ADGRF5: variants seen among roughly 807,000 people sequenced by gnomAD.
ADGRF5 encodes the protein G-protein coupled receptor 116.
Under a neutral mutation model 132.3 loss-of-function variants are expected in ADGRF5, and 75 were observed. That is an observed-to-expected ratio of 0.57 (90% CI 0.47 to 0.69). The LOEUF (loss-of-function observed/expected upper bound fraction) is 0.69. ADGRF5 is among the 30% of genes least tolerant of loss of function. ADGRF5 has a pLI of 0.00. For synonymous variants in ADGRF5, 629 were observed against 597.6 expected (o/e 1.05, Z -0.77); for missense variants, 1,516 against 1,630.6 (o/e 0.93, Z 1.21).
intron 8 of ADGRF5, among the ~76,000 whole-genome samples, chr6:46,880,522 C>T (rs12214314): frequency 0.035 from 5,321 of 152,248 alleles, 141 homozygotes; most frequent in Non-Finnish European, 0.047. Context: ...ATAAAGTCTG[C>T]TTGAGAAATA....
At chr6:46,884,936 C>T (rs1054327605) in intron 4 of ADGRF5, among the ~76,000 whole-genome samples, 2 of 152,156 alleles carry the variant, frequency 1.3e-5, no homozygotes, top group Admixed American at 6.5e-5. Flanking sequence ...GGCACAGTGG[C>T]TCACTCCTAT....
intron 1 of ADGRF5, among the ~76,000 whole-genome samples, chr6:46,917,101 A>C (rs1243651733): frequency 6.6e-6 from 1 of 152,246 alleles, no homozygotes; most frequent in Non-Finnish European, 1.5e-5. Context: ...TAGGTTAAGC[A>C]CTATACATGC....
At chr6:46,859,937 G>T (rs565256674) in intron 16 of ADGRF5, among the ~76,000 whole-genome samples, 81 of 151,980 alleles carry the variant, frequency 5.3e-4, no homozygotes, top group East Asian at 1.7e-3. Context: ...TGATCCATCC[G>T]CCTCGGCCTC....
At chr6:46,921,328 TG>T (rs1776921322) in intron 1 of ADGRF5, among the ~76,000 whole-genome samples, 1 of 152,202 alleles carries the variant, frequency 6.6e-6, no homozygotes, top group African/African-American at 2.4e-5. Flanking sequence ...AATGGCCGAC[TG>T]GCCCTGAAAT....
intron 10 of ADGRF5, among the ~76,000 whole-genome samples, chr6:46,873,326 A>C (rs567655262): frequency 1.3e-5 from 2 of 152,024 alleles, no homozygotes; most frequent in South Asian, 4.2e-4. Flanking sequence ...CCCGTTTCTC[A>C]TCAAGTCTTT....
chr6:46,868,602 T>C (rs1770714832), intron 12 of ADGRF5, among the ~76,000 whole-genome samples: 6 of 152,272 alleles, frequency 3.9e-5, no homozygotes, highest in Admixed American at 3.9e-4. Flanking sequence ...TTAAAAACAA[T>C]CCTCATAACT....
chr6:46,920,095 A>G (rs896311842), intron 1 of ADGRF5, among the ~76,000 whole-genome samples: 10 of 152,224 alleles, frequency 6.6e-5, no homozygotes, highest in Admixed American at 2.6e-4. Flanking sequence ...GGGCCACTTT[A>G]TCTATCAATC....
At position 46,867,075 on chromosome 6, in the gene ADGRF5, C is replaced by A. The variant is rs1246314759; in HGVS notation, c.1684G>T (p.Val562Phe). 1.2e-6 allele frequency: 2 copies of A among 1,613,700 alleles called. No individual in the cohort carries two copies. The highest frequency in any genetic ancestry group is 2.7e-5 in the African/African-American group (2 of 75,000). ...TTCAGCTTTAGAGGCAGCGGGTGAA[C>A]AATGACGTCTTTGGTTGCAATACTG... ...SYSIATKDVI[V>F]HPLPLKLNIM... Residue 562 changes from valine (V) to phenylalanine (F), a missense_variant, in exon 13 of 21, where the codon GTT (valine) becomes TTT (phenylalanine). Around this residue, in one of 2 missense-constraint regions of ADGRF5, gnomAD observed 945 missense variants for 929.4 expected, o/e 1.02. Transcript: ENST00000283296.
chr6:46,913,318 G>A (rs1196809549), intron 1 of ADGRF5, among the ~76,000 whole-genome samples: 1 of 152,144 alleles, frequency 6.6e-6, no homozygotes, highest in African/African-American at 2.4e-5. Context: ...GCCTAACATA[G>A]TGAAACCCTG....
chr6:46,953,481 G>A (rs551425762), intron 1 of ADGRF5, among the ~76,000 whole-genome samples: 32 of 151,694 alleles, frequency 2.1e-4, no homozygotes, highest in African/African-American at 7.3e-4. Context: ...ACATAGCTGG[G>A]CGTGGTGGTG....
At chr6:46,938,315 T>C (rs550118960) in intron 1 of ADGRF5, among the ~76,000 whole-genome samples, 1 of 152,172 alleles carries the variant, frequency 6.6e-6, no homozygotes, top group African/African-American at 2.4e-5. Context: ...CAGAGCTGAG[T>C]GTGGTATCTT....
At chr6:46,926,326 G>A (rs911618068), upstream of ADGRF5, among the ~76,000 whole-genome samples, 4 of 152,136 alleles carry the variant, frequency 2.6e-5, no homozygotes, top group East Asian at 7.7e-4. Flanking sequence ...GGACACAGTT[G>A]ACAGCTCCCT....
chr6:46,951,990 G>A (rs1470964767), intron 1 of ADGRF5, among the ~76,000 whole-genome samples: 8 of 152,218 alleles, frequency 5.3e-5, no homozygotes, highest in Non-Finnish European at 1.2e-4. Flanking sequence ...GAGTGCAGAG[G>A]CTCTGTGGAT....
intron 1 of ADGRF5, among the ~76,000 whole-genome samples, chr6:46,919,233 CAT>C (rs1199732767): frequency 6.6e-6 from 1 of 152,062 alleles, no homozygotes; most frequent in Admixed American, 6.6e-5. Flanking sequence ...ATAGTACTGA[CAT>C]AAAAAAAATG....
At chr6:46,861,521 TC>T (rs769063213) in intron 15 of ADGRF5, among the ~76,000 whole-genome samples, 66 of 152,358 alleles carry the variant, frequency 4.3e-4, no homozygotes, top group Middle Eastern at 3.4e-3. Flanking sequence ...CCAGGAAAGT[TC>T]CTTCCTCTGA....
At chr6:46,902,235 T>G (rs1774850572) in intron 2 of ADGRF5, among the ~76,000 whole-genome samples, 1 of 152,188 alleles carries the variant, frequency 6.6e-6, no homozygotes, top group African/African-American at 2.4e-5. Flanking sequence ...CTTTCCTGCC[T>G]CCATCCTCTC....
intron 1 of ADGRF5, among the ~76,000 whole-genome samples, chr6:46,953,671 A>ATG (rs1427922399): frequency 8.3e-5 from 11 of 132,258 alleles, no homozygotes; most frequent in African/African-American, 3.3e-4. Flanking sequence ...ATATATATAT[A>ATG]TATATATATA....
At chr6:46,877,361 CT>C (rs1331363983) in intron 10 of ADGRF5, among the ~76,000 whole-genome samples, 3 of 51,222 alleles carry the variant, frequency 5.9e-5, no homozygotes, top group African/African-American at 6.9e-5. Flanking sequence ...TTCTTTCTTT[CT>C]TTCTTTCTTT....
At chr6:46,948,431 A>G (rs1778375801) in intron 1 of ADGRF5, among the ~76,000 whole-genome samples, 1 of 151,832 alleles carries the variant, frequency 6.6e-6, no homozygotes, top group African/African-American at 2.4e-5. Context: ...CTAGAATAAT[A>G]GTAAAGTTCT....
Sources: allele counts gnomAD v4.1 joint callset (sites outside exome capture counted in the v4.1 genomes callset), GRCh38; gene constraint gnomAD v4.1.1; regional missense constraint gnomAD v4.1.1; transcripts MANE v1.5; gene names NCBI Gene and HGNC (gene_info 2026-07-23, HGNC 2026-07-21).